The following SDK1 variants were observed in gnomAD, a reference collection of about 807,000 sequenced individuals.
SDK1 encodes sidekick cell adhesion molecule 1, also known as protein sidekick-1.
A neutral mutation model predicts 245.5 loss-of-function variants in SDK1; 157 were observed. That is an observed-to-expected ratio of 0.64 (90% confidence interval 0.56 to 0.73). The LOEUF is 0.73. Among genes scored for constraint, SDK1 ranks in the 30% least tolerant of loss-of-function variants. SDK1 has a pLI of 0.00. For missense variants in SDK1, 3,583 were observed against 3,002.3 expected, an observed-to-expected ratio of 1.19 and a Z score of -4.52; for synonymous variants, 1,647 against 1,278.5, an observed-to-expected ratio of 1.29 and a Z score of -6.15.
At chr7:3,403,912 A>G (rs1213914467) in intron 1 of SDK1, among the ~76,000 whole-genome samples, 8 of 141,700 alleles carry the variant, frequency 5.6e-5, no homozygotes, top group East Asian at 2.0e-4. Context: ...TATTTATTCC[A>G]TATACAGGCA....
intron 1 of SDK1, among the ~76,000 whole-genome samples, chr7:3,542,159 C>G (rs1159229798): frequency 2.0e-5 from 3 of 152,184 alleles, no homozygotes; most frequent in South Asian, 4.2e-4. Context: ...ATTTTAATTC[C>G]CAATGATAGA....
At chr7:4,116,020 G>T (rs1783682355) in intron 25 of SDK1, among the ~76,000 whole-genome samples, 1 of 152,154 alleles carries the variant, frequency 6.6e-6, no homozygotes, top group South Asian at 2.1e-4. Flanking sequence ...TGGCTTTGGG[G>T]GGCTGCCATC....
chr7:3,719,194 C>G (rs1014971039), intron 4 of SDK1, among the ~76,000 whole-genome samples: 4 of 147,588 alleles, frequency 2.7e-5, no homozygotes, highest in African/African-American at 7.5e-5. Context: ...TGGAAGAAAT[C>G]AAAGACCTAA....
In SDK1 at chr7:4,132,404, G is replaced by C. The variant is rs1784893382; in HGVS notation, c.4209G>C (p.Glu1403Asp). ...GGATAGTGTGGCAACCTCCGGAGGA[G>C]CCCAACGGCATCATCCTGGGTAAGG... The part of the protein sequence containing the change: ...SVRIVWQPPE[E>D]PNGIILGYQI... Residue 1403 changes from glutamate (E) to aspartate (D), a missense_variant, in exon 28 of 45, where the codon GAG (glutamate) becomes GAC (aspartate). Transcript: ENST00000404826. 1 of 1,611,496 alleles carries C rather than the reference G, an allele frequency of 6.2e-7. No homozygotes were observed. Among genetic ancestry groups the C allele is most frequent in the Non-Finnish European group, 8.5e-7 (1 of 1,178,708 alleles).
intron 17 of SDK1, among the ~76,000 whole-genome samples, chr7:4,033,155 C>G (rs1226681043): frequency 6.6e-6 from 1 of 152,046 alleles, no homozygotes; most frequent in Non-Finnish European, 1.5e-5. Context: ...GAAATGGACC[C>G]CATTCGATAT....
At position 3,951,862 on chromosome 7, in the gene SDK1, G is replaced by A. The variant is rs201120922; in HGVS notation, c.1092G>A (p.Ala364=). 2.2e-5 allele frequency: 36 copies of A among 1,613,566 alleles called. No homozygotes were observed. Among genetic ancestry groups the A allele is most frequent in the African/African-American group, 5.3e-5 (4 of 74,930 alleles). ...SADTGPYVCE[A]ALPGSAFEPA... ...ACACCGGGCCATACGTCTGCGAGGC[G>A]GCGCTGCCGGGGAGCGCTTTTGAAC... The change falls in exon 7 of 45, where the codon GCG becomes GCA. Residue 364 remains alanine, a synonymous_variant. Transcript: ENST00000404826.
chr7:4,211,527 G>A (rs1562439063), intron 38 of SDK1, among the ~76,000 whole-genome samples: 1 of 152,168 alleles, frequency 6.6e-6, no homozygotes, highest in Non-Finnish European at 1.5e-5. Context: ...TTGCGGGCAG[G>A]TGGCTCTGCC....
At chr7:3,806,515 C>A (rs1482556895) in intron 4 of SDK1, among the ~76,000 whole-genome samples, 3 of 152,242 alleles carry the variant, frequency 2.0e-5, no homozygotes, top group Non-Finnish European at 4.4e-5. Context: ...CCAGCAGAGA[C>A]CGTTACCTTT....
Position 4,150,583 on chromosome 7 carries a change from G to A in SDK1, c.4625+1120G>A, listed in dbSNP as rs563218333. 6.9e-4 allele frequency among the ~76,000 whole-genome samples: 105 copies of A among 152,320 alleles called. 1 individual carries two copies. Among genetic ancestry groups the A allele is most frequent in the African/African-American group, 2.3e-3 (95 of 41,580 alleles). On this transcript the variant is annotated intron_variant, in intron 30 of 44. Coordinates refer to ENST00000404826, the MANE Select transcript of SDK1 (RefSeq NM_152744.4). The stretch of plus-strand genomic sequence containing the variant: ...ATATCCCCCACCCAGCCTCCGTGGC[G>A]CCCAGCCATCCTCGTCTTCGAGGCT...
chr7:3,453,799 T>C (rs1376446027), intron 1 of SDK1, among the ~76,000 whole-genome samples: 1 of 152,164 alleles, frequency 6.6e-6, no homozygotes, highest in Non-Finnish European at 1.5e-5. Context: ...CAGGCTGGTC[T>C]CAAGCGATCC....
intron 1 of SDK1, among the ~76,000 whole-genome samples, chr7:3,553,302 T>TA (rs1214112364): frequency 1.3e-5 from 2 of 152,202 alleles, no homozygotes; most frequent in African/African-American, 2.4e-5. Flanking sequence ...TTTTGCTCTA[T>TA]GTCAAAAAAT....
At chr7:4,047,864 G>A (rs1164826167) in intron 17 of SDK1, among the ~76,000 whole-genome samples, 1 of 152,174 alleles carries the variant, frequency 6.6e-6, no homozygotes, top group African/African-American at 2.4e-5. Context: ...TGGATGTGAT[G>A]TTCTTTCCAA....
intron 28 of SDK1, 96 bp downstream of exon 28, chr7:4,132,519 C>A: frequency 1.3e-6 from 1 of 788,862 alleles, no homozygotes; most frequent in Non-Finnish European, 2.1e-6. Context: ...CCCAGGAGTT[C>A]AAGACCAGCC....
At position 3,630,457 on chromosome 7, in the gene SDK1, T is replaced by A. The variant is rs148311661; in HGVS notation, c.459-8547T>A. On this transcript the variant is annotated intron_variant, in intron 2 of 44. Coordinates refer to ENST00000404826, the MANE Select transcript of SDK1 (RefSeq NM_152744.4). ...ATATTTCTGTGTACTAGCAAACAAA[T>A]CTGAAAATTACATATTTAAAAATTT... is the stretch of plus-strand genomic sequence containing the variant. Among the ~76,000 whole-genome samples the A allele has an allele frequency of 5.6e-3, 847 of 152,220 alleles. 22 individuals are homozygous for A. Among genetic ancestry groups the A allele is most frequent in the Non-Finnish European group, 1.6e-3 (109 of 68,020 alleles).
At chr7:3,360,938 A>G (rs1780934792) in intron 1 of SDK1, among the ~76,000 whole-genome samples, 1 of 152,196 alleles carries the variant, frequency 6.6e-6, no homozygotes, top group Admixed American at 6.5e-5. Flanking sequence ...GGGTTATTCA[A>G]CACGTTTGAA....
At chr7:3,904,373 A>C (rs1387222860) in intron 5 of SDK1, among the ~76,000 whole-genome samples, 3 of 152,126 alleles carry the variant, frequency 2.0e-5, no homozygotes, top group African/African-American at 7.2e-5. Context: ...GTGCTACACA[A>C]CCTGGTGAAT....
chr7:4,145,937 G>A (rs1779942783), intron 29 of SDK1, 21 bp downstream of exon 29: 2 of 1,579,552 alleles, frequency 1.3e-6, no homozygotes, highest in Non-Finnish European at 1.7e-6. Flanking sequence ...GGGGGACCCG[G>A]GGGTACTGCA....
At chr7:3,953,058 C>G (rs569240315) in intron 7 of SDK1, among the ~76,000 whole-genome samples, 1 of 151,914 alleles carries the variant, frequency 6.6e-6, no homozygotes, top group East Asian at 1.9e-4. Context: ...TCTCGACTTC[C>G]TCTCTCCTCT....
intron 1 of SDK1, among the ~76,000 whole-genome samples, chr7:3,495,446 A>G (rs926412215): frequency 2.6e-5 from 4 of 151,566 alleles, no homozygotes; most frequent in Admixed American, 1.3e-4. Context: ...TTTAGTAGAG[A>G]TGAAGTTTTG....
Sources: gnomAD v4.1 joint callset for allele counts (sites outside exome capture counted in the v4.1 genomes callset) on GRCh38, gnomAD v4.1.1 for gene constraint, MANE v1.5 for transcripts, NCBI Gene and HGNC (gene_info 2026-07-23, HGNC 2026-07-21) for gene names.